The following ARHGAP19 variants were observed in gnomAD, a reference collection of about 807,000 sequenced individuals.
The protein encoded by ARHGAP19 is rho GTPase-activating protein 19.
In ARHGAP19, 48 loss-of-function variants were observed where a neutral mutation model predicts 60.9. The observed-to-expected ratio is 0.79, with a 90% CI of 0.62 to 1.00. The LOEUF (loss-of-function observed/expected upper bound fraction) is 1.00. ARHGAP19 is among the 50% of genes least tolerant of loss of function. The pLI is 0.00. For synonymous variants in ARHGAP19, 209 were observed against 215.5 expected, an observed-to-expected ratio of 0.97 and a Z score of 0.27; for missense variants, 562 against 597.2, an observed-to-expected ratio of 0.94 and a Z score of 0.61.
intron 1 of ARHGAP19, among the ~76,000 whole-genome samples, chr10:97,274,684 A>C (rs1279726157): frequency 6.6e-6 from 1 of 152,214 alleles, no homozygotes; most frequent in Admixed American, 6.5e-5. Flanking sequence ...GTTTTGGCTT[A>C]AATCTCACTT....
At chr10:97,229,248 T>G in intron 10 of ARHGAP19, 23 bp from the exon 11 acceptor site, 1 of 1,571,972 alleles carries the variant, frequency 6.4e-7, no homozygotes, top group Non-Finnish European at 8.8e-7. Flanking sequence ...AATTGTACAG[T>G]GGTTTCAATG....
chr10:97,263,640 T>C lies in ARHGAP19; in HGVS notation c.404-11A>G, dbSNP rs748972896. 13 of 1,613,470 alleles carry C rather than the reference T, an allele frequency of 8.1e-6. No homozygotes were observed. The East Asian group carries it at 2.2e-4, about 28-fold the overall frequency. On this transcript the variant is annotated splice_polypyrimidine_tract_variant and intron_variant, in intron 3 of 11. Transcript: ENST00000358531. ...CCTCTACTCGCAAGTCTGTTTAGCA[T>C]AAAACAAAGCAGAGGACAGGCAAAA...
chr10:97,263,992 C>A (rs186918943), intron 3 of ARHGAP19, among the ~76,000 whole-genome samples: 1 of 152,312 alleles, frequency 6.6e-6, no homozygotes, highest in Admixed American at 6.5e-5. Flanking sequence ...TTATCCCAGA[C>A]TTCGTTTGGA....
rs1843134321 is a variant in ARHGAP19, at chr10:97,284,918, C to T, written c.56+7654G>A. 2.1e-5 allele frequency among the ~76,000 whole-genome samples: 3 copies of T among 142,136 alleles called. No individual in the cohort carries two copies. The South Asian group carries it at 6.6e-4, about 31-fold the overall frequency. 93.2% of individuals were successfully genotyped at this position (142,136 alleles called of 152,430 possible). On this transcript the variant is annotated intron_variant, in intron 1 of 11. Transcript: ENST00000358531. The stretch of plus-strand genomic sequence containing the variant: ...TCGCTGTGTCGCCCAGGCTGGAGTG[C>T]AATGGTGTGATCTTAGCTCACCACA...
At chr10:97,267,760 C>CT (rs2134894409) in intron 1 of ARHGAP19, among the ~76,000 whole-genome samples, 1 of 152,354 alleles carries the variant, frequency 6.6e-6, no homozygotes, top group South Asian at 2.1e-4. Context: ...ACACTGTCCC[C>CT]TTTTAGCCAT....
At chr10:97,264,725 T>G (rs1381920387) in intron 3 of ARHGAP19, 101 bp downstream of exon 3, 3 of 768,760 alleles carry the variant, frequency 3.9e-6, no homozygotes, top group Non-Finnish European at 4.3e-6. Context: ...AGTTCCTTTG[T>G]TGATGGTTAA....
In ARHGAP19 at chr10:97,280,345, G is replaced by A. The variant is rs904640683; in HGVS notation, c.56+12227C>T. 2.0e-5 allele frequency among the ~76,000 whole-genome samples: 3 copies of A among 151,144 alleles called. No homozygotes were observed. The South Asian group carries it at 6.3e-4, about 32-fold the overall frequency. ...AATCACTTGAACCCGGGAGGCAGAGGTTGCAGTGAGCCGAGATCACACCAC... is the reference window on the plus strand; with the variant it reads ...AATCACTTGAACCCGGGAGGCAGAGATTGCAGTGAGCCGAGATCACACCAC... On this transcript the variant is annotated intron_variant, in intron 1 of 11. Coordinates refer to ENST00000358531, the MANE Select transcript of ARHGAP19 (RefSeq NM_032900.6).
chr10:97,249,749 A>G (rs558451987), intron 6 of ARHGAP19, among the ~76,000 whole-genome samples: 2 of 151,886 alleles, frequency 1.3e-5, no homozygotes, highest in Non-Finnish European at 2.9e-5. Context: ...AAGCTAGTTG[A>G]TAAGAAATTC....
Position 97,225,954 on chromosome 10 carries a change from T to A in ARHGAP19, c.*168A>T. On this transcript the variant is annotated 3_prime_UTR_variant, in exon 12 of 12. Transcript: ENST00000358531. The stretch of plus-strand genomic sequence containing the variant: ...CAGAAGGCACAGCTTGCAAACATCA[T>A]CCAGTGAGTGGGGTTAGAGGTATCA... 1 of 648,482 alleles carries A rather than the reference T, an allele frequency of 1.5e-6. No homozygotes were observed. Among genetic ancestry groups the A allele is most frequent in the Non-Finnish European group, 2.6e-6 (1 of 377,404 alleles). 40.2% of individuals were successfully genotyped at this position (648,482 alleles called of 1,614,324 possible). A position where few individuals can be genotyped will look rare whatever the true frequency, so the allele number is the denominator to read the frequency against.
At chr10:97,226,246 T>A (rs973328622) in intron 11 of ARHGAP19, 114 bp from the exon 12 acceptor site, 47 of 1,000,298 alleles carry the variant, frequency 4.7e-5, no homozygotes, top group Non-Finnish European at 9.0e-6. Flanking sequence ...AACTGAAGGC[T>A]AATGAGTTTA....
chr10:97,248,047 C>A (rs1842588489), intron 6 of ARHGAP19, among the ~76,000 whole-genome samples: 1 of 148,574 alleles, frequency 6.7e-6, no homozygotes, highest in Non-Finnish European at 1.5e-5. Context: ...CTCACTGCAA[C>A]CTCCGCCTCC....
intron 3 of ARHGAP19, among the ~76,000 whole-genome samples, 179 bp downstream of exon 3, chr10:97,264,647 T>G (rs1445707726): frequency 6.6e-6 from 1 of 152,126 alleles, no homozygotes; most frequent in African/African-American, 2.4e-5. Context: ...ATAAAACAAA[T>G]GAATATATGA....
chr10:97,277,909 G>A (rs1843039731), intron 1 of ARHGAP19: 1 of 152,192 alleles, frequency 6.6e-6, no homozygotes, highest in Non-Finnish European at 1.5e-5. Flanking sequence ...GGGAAACAGA[G>A]AAGCCTAAAG....
chr10:97,257,824 CT>C (rs1842776514), intron 5 of ARHGAP19, among the ~76,000 whole-genome samples: 1 of 151,926 alleles, frequency 6.6e-6, no homozygotes, highest in Non-Finnish European at 1.5e-5. Context: ...CTTTACCTTC[CT>C]TTTCTCATTA....
Position 97,229,791 on chromosome 10 carries a change from C to G in ARHGAP19, c.1368G>C (p.Lys456Asn). 1 of 1,611,080 alleles carries G rather than the reference C, an allele frequency of 6.2e-7. No individual in the cohort carries two copies. ...TPESVAIGEL[K>N]GTSKENRNLL... Reference sequence around the variant, plus strand: ...AGTTCCTATTTTCTTTGCTGGTTCCCTTCAATTCACCAATGGCCACAGATT... The same window carrying G: ...AGTTCCTATTTTCTTTGCTGGTTCCGTTCAATTCACCAATGGCCACAGATT... The change falls in exon 10 of 12, where the codon AAG (lysine) becomes AAC (asparagine). Residue 456 changes from lysine to asparagine, a missense_variant. Transcript: ENST00000358531.
intron 5 of ARHGAP19, among the ~76,000 whole-genome samples, chr10:97,257,690 T>A (rs1842774876): frequency 6.6e-6 from 1 of 152,190 alleles, no homozygotes; most frequent in African/African-American, 2.4e-5. Context: ...ATCTCCTTAA[T>A]ATGGACAAAT....
At position 97,229,134 on chromosome 10, in the gene ARHGAP19, G is replaced by A. The variant is rs1339026859; in HGVS notation, c.1474+13C>T. On this transcript the variant is annotated intron_variant, in intron 11 of 11. Transcript: ENST00000358531. ...TACATTTAGTAAGAACAGAGAGTAA[G>A]TACAATTAGTACCTTTTTTCCCCTC... The A allele has an allele frequency of 1.9e-6, 3 of 1,605,726 alleles. No individual in the cohort carries two copies. Among genetic ancestry groups the A allele is most frequent in the Non-Finnish European group, 1.7e-6 (2 of 1,172,258 alleles).
chr10:97,235,427 C>T (rs1851112697), intron 8 of ARHGAP19, 112 bp from the exon 9 acceptor site: 2 of 899,266 alleles, frequency 2.2e-6, no homozygotes, highest in African/African-American at 1.7e-5. Flanking sequence ...TGAGTCTGCG[C>T]ATAGATGGAT....
intron 6 of ARHGAP19, among the ~76,000 whole-genome samples, chr10:97,250,382 TTC>T (rs1295464437): frequency 1.2e-4 from 10 of 82,276 alleles, no homozygotes; most frequent in South Asian, 7.1e-4. Flanking sequence ...ATAGTTTAAT[TTC>T]TTTTTCTTTT....
Sources: gnomAD v4.1 joint callset for allele counts (sites outside exome capture counted in the v4.1 genomes callset) on GRCh38, gnomAD v4.1.1 for gene constraint, MANE v1.5 for transcripts, NCBI Gene and HGNC (gene_info 2026-07-23, HGNC 2026-07-21) for gene names.